THRB: variants seen among roughly 807,000 people sequenced by gnomAD.
THRB encodes thyroid hormone receptor beta.
Under a neutral mutation model 47.8 loss-of-function variants are expected in THRB, and 12 were observed. The ratio of observed to expected loss-of-function variants is 0.25; its 90% CI spans 0.16 to 0.41. The LOEUF (loss-of-function observed/expected upper bound fraction) is 0.41, where lower values mean the gene tolerates loss of function less well. Among genes scored for constraint, THRB ranks in the 10% least tolerant of loss-of-function variants. THRB has a pLI of 1.00. For missense variants in THRB, 348 were observed against 589.2 expected, an observed-to-expected ratio of 0.59 and a Z score of 4.24; for synonymous variants, 218 against 212.2, an observed-to-expected ratio of 1.03 and a Z score of -0.24.
chr3:24,170,349 A>G (rs2040267951), intron 5 of THRB, among the ~76,000 whole-genome samples: 1 of 152,112 alleles, frequency 6.6e-6, no homozygotes, highest in Admixed American at 6.6e-5. Context: ...ATCATCTCCT[A>G]ACTGGACTCC....
At chr3:24,136,776 T>C (rs933439276) in intron 8 of THRB, among the ~76,000 whole-genome samples, 1 of 152,176 alleles carries the variant, frequency 6.6e-6, no homozygotes, top group Admixed American at 6.5e-5. Context: ...CATGGTGGTA[T>C]TTTCAACTCT....
At chr3:24,493,813 T>G (rs1698565038) in intron 1 of THRB, among the ~76,000 whole-genome samples, 1 of 152,206 alleles carries the variant, frequency 6.6e-6, no homozygotes. Flanking sequence ...GGCTTAAGAA[T>G]TAACACTAAT....
At chr3:24,458,123 A>G (rs1308081626) in intron 1 of THRB, 1 of 152,166 alleles carries the variant, frequency 6.6e-6, no homozygotes, top group Non-Finnish European at 1.5e-5. Flanking sequence ...GAAATACAGC[A>G]TTGTAAAAGG....
At chr3:24,349,229 T>C (rs1406555762) in intron 1 of THRB, among the ~76,000 whole-genome samples, 1 of 152,150 alleles carries the variant, frequency 6.6e-6, no homozygotes, top group African/African-American at 2.4e-5. Context: ...TACATGATCA[T>C]AGATTGGGCG....
chr3:24,380,980 T>C (rs2065664491), intron 1 of THRB, among the ~76,000 whole-genome samples: 1 of 151,974 alleles, frequency 6.6e-6, no homozygotes, highest in Admixed American at 6.6e-5. Flanking sequence ...CTGGGTGTGG[T>C]GGTATGCACC....
intron 1 of THRB, among the ~76,000 whole-genome samples, chr3:24,428,179 A>G (rs2069964932): frequency 6.6e-6 from 1 of 152,056 alleles, no homozygotes; most frequent in Non-Finnish European, 1.5e-5. Flanking sequence ...GAAGGAATTA[A>G]TCTTTTTCCT....
intron 1 of THRB, among the ~76,000 whole-genome samples, chr3:24,466,122 T>C (rs1401963531): frequency 1.3e-5 from 2 of 152,186 alleles, no homozygotes; most frequent in African/African-American, 4.8e-5. Flanking sequence ...CCAACATACA[T>C]GTGCAGCCTT....
At chr3:24,422,856 G>C (rs1030345624) in intron 1 of THRB, among the ~76,000 whole-genome samples, 15 of 151,778 alleles carry the variant, frequency 9.9e-5, no homozygotes, top group Admixed American at 9.9e-4. Flanking sequence ...TGAAAAGAGG[G>C]GTCTATTTCT....
intron 6 of THRB, 24 bp from the exon 7 acceptor site, chr3:24,146,846 G>A (rs756800354): frequency 1.2e-6 from 2 of 1,610,234 alleles, no homozygotes; most frequent in Admixed American, 1.7e-5. Flanking sequence ...AAAGACCCAA[G>A]ACAACAGTTT....
chr3:24,487,819 A>G (rs374480036), intron 1 of THRB, among the ~76,000 whole-genome samples: 1 of 152,248 alleles, frequency 6.6e-6, no homozygotes, highest in African/African-American at 2.4e-5. Context: ...TAAGACAGAA[A>G]TGTGCAAAAA....
At chr3:24,469,296 T>G (rs1367230225) in intron 1 of THRB, among the ~76,000 whole-genome samples, 1 of 152,188 alleles carries the variant, frequency 6.6e-6, no homozygotes, top group African/African-American at 2.4e-5. Context: ...TAGCACATAA[T>G]GAGCTCAATA....
chr3:24,218,246 C>T (rs922253996), intron 4 of THRB, among the ~76,000 whole-genome samples: 2 of 149,360 alleles, frequency 1.3e-5, no homozygotes, highest in Admixed American at 6.7e-5. Context: ...CCAGCCTGGG[C>T]GACAGAGTAA....
intron 5 of THRB, among the ~76,000 whole-genome samples, chr3:24,186,748 C>A (rs1277520885): frequency 3.3e-5 from 5 of 151,930 alleles, no homozygotes; most frequent in African/African-American, 7.3e-5. Context: ...GAGTTTGAGA[C>A]CTGCCTGGCC....
chr3:24,465,722 T>TGAACCTCTAA (rs1328078466), intron 1 of THRB, among the ~76,000 whole-genome samples: 1 of 152,106 alleles, frequency 6.6e-6, no homozygotes, highest in African/African-American at 2.4e-5. Context: ...TCCTTTAATC[T>TGAACCTCTAA]GAACCTCTAA....
At chr3:24,428,848 T>C (rs1445727127) in intron 1 of THRB, among the ~76,000 whole-genome samples, 2 of 150,632 alleles carry the variant, frequency 1.3e-5, no homozygotes, top group African/African-American at 4.9e-5. Flanking sequence ...TGGTTCATTT[T>C]AGTAGGAAAC....
intron 2 of THRB, among the ~76,000 whole-genome samples, chr3:24,318,175 T>C (rs73823294): frequency 0.016 from 2,381 of 152,324 alleles, 77 homozygotes; most frequent in African/African-American, 0.055. Context: ...ATTCTTTTTG[T>C]TTGCAGGTAA....
At chr3:24,232,343 A>G (rs2048340675) in intron 3 of THRB, among the ~76,000 whole-genome samples, 1 of 152,236 alleles carries the variant, frequency 6.6e-6, no homozygotes. Flanking sequence ...CTAAACTAAC[A>G]TAGGGAGAGA....
At chr3:24,466,671 C>T (rs1035224184) in intron 1 of THRB, among the ~76,000 whole-genome samples, 1 of 152,084 alleles carries the variant, frequency 6.6e-6, no homozygotes, top group African/African-American at 2.4e-5. Flanking sequence ...GCATATAAAA[C>T]TTGTGTTTAT....
intron 5 of THRB, among the ~76,000 whole-genome samples, chr3:24,177,329 C>T (rs965994830): frequency 9.2e-5 from 14 of 152,342 alleles, no homozygotes; most frequent in African/African-American, 2.6e-4. Context: ...AACAGAGTTA[C>T]TGCTCATTGC....
Sources: gnomAD v4.1 joint callset for allele counts (sites outside exome capture counted in the v4.1 genomes callset) on GRCh38, gnomAD v4.1.1 for gene constraint, MANE v1.5 for transcripts, NCBI Gene and HGNC (gene_info 2026-07-23, HGNC 2026-07-21) for gene names.